The following IL17B variants were observed in gnomAD, a reference collection of about 807,000 sequenced individuals.
IL17B encodes the protein interleukin-17B.
In IL17B, 14 loss-of-function variants were observed where a neutral mutation model predicts 14.7. That is an observed-to-expected ratio of 0.95 (90% CI 0.63 to 1.49). The LOEUF is 1.49. IL17B is among the 40% of genes most tolerant of loss of function. IL17B has a pLI of 0.00. For synonymous variants in IL17B, 105 were observed against 94.8 expected (o/e 1.11, Z -0.62); for missense variants, 233 against 252.8 (o/e 0.92, Z 0.53).
chr5:149,394,573 CTT>C (rs1163523427), intron 1 of IL17B, among the ~76,000 whole-genome samples: 3 of 152,288 alleles, frequency 2.0e-5, no homozygotes, highest in Admixed American at 2.0e-4. Flanking sequence ...CTCTAAAAGT[CTT>C]TACATAATTC....
At chr5:149,400,647 G>T (rs576146858) in intron 1 of IL17B, among the ~76,000 whole-genome samples, 10 of 152,350 alleles carry the variant, frequency 6.6e-5, no homozygotes, top group Admixed American at 2.0e-4. Flanking sequence ...GAGCCAACGG[G>T]ATATATAGAG....
intron 1 of IL17B, among the ~76,000 whole-genome samples, chr5:149,391,255 T>C (rs1224683141): frequency 3.3e-5 from 5 of 152,138 alleles, no homozygotes; most frequent in Non-Finnish European, 5.9e-5. Flanking sequence ...CGTGAGCCAC[T>C]GCGCCCAGCG....
At chr5:149,390,628 CACAG>C (rs1352094932) in intron 1 of IL17B, among the ~76,000 whole-genome samples, 3 of 137,626 alleles carry the variant, frequency 2.2e-5, no homozygotes, top group African/African-American at 8.8e-5. Flanking sequence ...CACACACACA[CACAG>C]AGATACACAA....
At chr5:149,403,671 G>C (rs1759257758) in intron 1 of IL17B, among the ~76,000 whole-genome samples, 1 of 152,156 alleles carries the variant, frequency 6.6e-6, no homozygotes, top group Non-Finnish European at 1.5e-5. Context: ...TTAGGGACAG[G>C]TTGGGAGGTG....
chr5:149,386,535 T>C (rs536102475), intron 1 of IL17B, among the ~76,000 whole-genome samples: 98 of 152,286 alleles, frequency 6.4e-4, no homozygotes, highest in African/African-American at 2.3e-3. Flanking sequence ...ACAAGCTGCT[T>C]CTGGTGGAGG....
At chr5:149,377,927 A>G (rs1378349130) in intron 1 of IL17B, among the ~76,000 whole-genome samples, 3 of 152,040 alleles carry the variant, frequency 2.0e-5, no homozygotes. Context: ...GCAGATCACA[A>G]AGTCAGGAGA....
chr5:149,380,374 A>C (rs1470283910), upstream of IL17B, among the ~76,000 whole-genome samples: 1 of 152,212 alleles, frequency 6.6e-6, no homozygotes, highest in Non-Finnish European at 1.5e-5. Context: ...ATAATTGTAT[A>C]ATTATTATAA....
intron 1 of IL17B, among the ~76,000 whole-genome samples, chr5:149,400,313 G>C (rs917125633): frequency 1.8e-4 from 28 of 152,216 alleles, no homozygotes; most frequent in Middle Eastern, 3.4e-3. Flanking sequence ...GCCAAAGATT[G>C]CCAGCAAGCC....
chr5:149,392,883 T>C (rs1048229594), intron 1 of IL17B, among the ~76,000 whole-genome samples: 1 of 152,102 alleles, frequency 6.6e-6, no homozygotes, highest in East Asian at 1.9e-4. Flanking sequence ...CCTCTAAGGC[T>C]GAAACAACCA....
At chr5:149,381,957 A>T (rs1758709428), upstream of IL17B, among the ~76,000 whole-genome samples, 2 of 152,150 alleles carry the variant, frequency 1.3e-5, no homozygotes, top group South Asian at 4.1e-4. Flanking sequence ...TGAATGAAGG[A>T]CTGGGCAGAT....
At chr5:149,402,401 A>G (rs1759223340) in intron 1 of IL17B, among the ~76,000 whole-genome samples, 2 of 152,054 alleles carry the variant, frequency 1.3e-5, no homozygotes, top group Admixed American at 1.3e-4. Context: ...TCCCATAACC[A>G]TTCTTCCCTG....
chr5:149,403,292 C>T (rs1049164119), intron 1 of IL17B, among the ~76,000 whole-genome samples: 1 of 151,912 alleles, frequency 6.6e-6, no homozygotes, highest in African/African-American at 2.4e-5. Flanking sequence ...CACCGTGTTG[C>T]CCAGGATGGT....
chr5:149,387,433 G>T lies in IL17B; in HGVS notation n.96-10408C>A, dbSNP rs145194101. Among the ~76,000 whole-genome samples, 263 of 152,276 alleles carry T rather than the reference G, an allele frequency of 1.7e-3. 1 individual carries two copies. Among genetic ancestry groups the T allele is most frequent in the African/African-American group, 6.0e-3 (251 of 41,544 alleles). ...CCACGCAGATGCTGATGACAATTGC[G>T]TGATGGTAAAAGGGTTACCCCTGAA... is the stretch of plus-strand genomic sequence containing the variant. On this transcript the variant is annotated intron_variant and non_coding_transcript_variant, in intron 1 of 2. Coordinates refer to the IL17B transcript ENST00000505432.
At chr5:149,397,727 T>C (rs1350578298) in intron 1 of IL17B, among the ~76,000 whole-genome samples, 1 of 152,128 alleles carries the variant, frequency 6.6e-6, no homozygotes, top group African/African-American at 2.4e-5. Flanking sequence ...GGCTGAGAAG[T>C]CTTGCAACAG....
At chr5:149,379,311 C>T (rs988317394), upstream of IL17B, 18 of 1,540,304 alleles carry the variant, frequency 1.2e-5, no homozygotes, top group South Asian at 5.7e-5. Flanking sequence ...CAGGATGGAG[C>T]GAAGCAATTA....
intron 1 of IL17B, among the ~76,000 whole-genome samples, chr5:149,389,312 A>T (rs1758892805): frequency 6.6e-6 from 1 of 152,244 alleles, no homozygotes; most frequent in Non-Finnish European, 1.5e-5. Context: ...TTCATTACCA[A>T]GTCTTTGTGA....
Position 149,396,348 on chromosome 5 carries a change from AAC to A in IL17B, n.95+7758_95+7759del, listed in dbSNP as rs564812883. Among the ~76,000 whole-genome samples the A allele has an allele frequency of 1.3e-3, 193 of 152,380 alleles. 2 individuals are homozygous for A. The highest frequency in any genetic ancestry group is 1.2e-3 in the Non-Finnish European group (80 of 68,042). ...GTATATAGTTGATCTTTTTTAAAAA[AAC>A]AGTCAGGACATTTTGAAAGTGCCAT... On this transcript the variant is annotated intron_variant and non_coding_transcript_variant, in intron 1 of 2. Coordinates refer to the IL17B transcript ENST00000505432.
chr5:149,392,985 T>TGCGCAC (rs1359805771), intron 1 of IL17B, among the ~76,000 whole-genome samples: 3 of 148,422 alleles, frequency 2.0e-5, no homozygotes, highest in Non-Finnish European at 3.0e-5. Flanking sequence ...TGCGTGTGTG[T>TGCGCAC]GTGCGTGTGT....
rs1246931273 is a variant in IL17B at position 149,374,567 on chromosome 5, G to A, written c.345C>T (p.Asp115=). Residue 115 remains aspartate (D), a synonymous_variant, in exon 3 of 3, where the codon GAC becomes GAT. Transcript: ENST00000261796. This position sits in a 1 kb window ranked among gnomAD's most constrained non-coding sequence, Gnocchi z 5.0. ...GACACAGGCACCGTGCCTCCGGCAG[G>A]TCCACGGGGATACGGCTGGGGTCGT... The part of the protein sequence containing the change: ...INHDPSRIPV[D]LPEARCLCLG... 16 of 1,612,586 alleles carry A rather than the reference G, an allele frequency of 9.9e-6. No individual in the cohort carries two copies. Among genetic ancestry groups the A allele is most frequent in the Non-Finnish European group, 1.4e-5 (16 of 1,179,478 alleles).
Sources: allele counts gnomAD v4.1 joint callset (sites outside exome capture counted in the v4.1 genomes callset), GRCh38; gene constraint gnomAD v4.1.1; non-coding constraint Gnocchi (gnomAD v3.1); transcripts MANE v1.5; gene names NCBI Gene and HGNC (gene_info 2026-07-23, HGNC 2026-07-21).